The following EFR3A variants were observed in gnomAD, a reference collection of about 807,000 sequenced individuals.
EFR3A encodes protein EFR3 homolog A.
Under a neutral mutation model 104.4 loss-of-function variants are expected in EFR3A, and 76 were observed. That is an observed-to-expected ratio of 0.73 (90% confidence interval 0.60 to 0.88). The LOEUF (loss-of-function observed/expected upper bound fraction) is 0.88. EFR3A is among the 40% of genes least tolerant of loss of function. The pLI, the probability that EFR3A is intolerant of heterozygous loss-of-function variation, is 0.00. For synonymous variants in EFR3A, 330 were observed against 330.0 expected, an observed-to-expected ratio of 1.00 and a Z score of 0.00; for missense variants, 985 against 1,012.5, an observed-to-expected ratio of 0.97 and a Z score of 0.37.
intron 1 of EFR3A, among the ~76,000 whole-genome samples, chr8:131,928,377 C>A (rs1817413355): frequency 6.6e-6 from 1 of 152,062 alleles, no homozygotes; most frequent in African/African-American, 2.4e-5. Context: ...AGACATTTAT[C>A]ATCAGATTTT....
chr8:132,001,426 G>A (rs1461057171), intron 19 of EFR3A, among the ~76,000 whole-genome samples: 4 of 152,142 alleles, frequency 2.6e-5, no homozygotes, highest in African/African-American at 9.7e-5. Flanking sequence ...ACAGTGTTCA[G>A]TCAGTGGGAC....
In EFR3A at chr8:131,987,729, A is replaced by C. The variant is rs751677519; in HGVS notation, c.2065+27A>C. On this transcript the variant is annotated intron_variant, in intron 18 of 22. Coordinates refer to ENST00000254624, the MANE Select transcript of EFR3A (RefSeq NM_015137.6). Reference sequence around the variant, plus strand: ...TAAGAGGAGGATAATTAGAACTTTCACTCTGGTGATTGCTTATGTTATAGT... The same window carrying C: ...TAAGAGGAGGATAATTAGAACTTTCCCTCTGGTGATTGCTTATGTTATAGT... 5.8e-6 allele frequency: 9 copies of C among 1,559,362 alleles called. No individual in the cohort carries two copies. In the Admixed American group the frequency reaches 1.6e-4, roughly 28 times the overall value.
rs1196135304 is a variant in EFR3A at position 131,956,007 on chromosome 8, T to C, written c.776+102T>C. 12 of 1,314,490 alleles carry C rather than the reference T, an allele frequency of 9.1e-6. No individual in the cohort carries two copies. The Admixed American group carries it at 2.5e-4, about 27-fold the overall frequency. 81.4% of individuals were successfully genotyped at this position (1,314,490 alleles called of 1,614,324 possible). Reference sequence around the variant, plus strand: ...CTACTTTTTTACTTGCATGAGTGAGTTATTAATGGAACCAGTGTAACATTG... The same window carrying C: ...CTACTTTTTTACTTGCATGAGTGAGCTATTAATGGAACCAGTGTAACATTG... On this transcript the variant is annotated intron_variant, in intron 7 of 22. Coordinates refer to ENST00000254624, the MANE Select transcript of EFR3A (RefSeq NM_015137.6).
chr8:131,962,028 C>T (rs1300205049), intron 8 of EFR3A, among the ~76,000 whole-genome samples: 1 of 152,178 alleles, frequency 6.6e-6, no homozygotes, highest in Non-Finnish European at 1.5e-5. Flanking sequence ...TTGTCACCAC[C>T]AGGCCTGCCT....
chr8:131,966,940 T>C (rs1481996161), intron 8 of EFR3A, among the ~76,000 whole-genome samples: 3 of 152,208 alleles, frequency 2.0e-5, no homozygotes, highest in African/African-American at 7.2e-5. Flanking sequence ...TTGTTCTTTA[T>C]AAGTAGAAAG....
chr8:132,010,425 T>C lies in EFR3A; in HGVS notation c.2361-365T>C, dbSNP rs1220684667. On this transcript the variant is annotated intron_variant, in intron 22 of 22. Coordinates refer to ENST00000254624, the MANE Select transcript of EFR3A (RefSeq NM_015137.6). ...AGTATGAGATATATATATATATATA[T>C]ATATATATATATATATATATATATA... Among the ~76,000 whole-genome samples the C allele has an allele frequency of 1.1e-4, 11 of 102,676 alleles. No homozygotes were observed. In the East Asian group the frequency reaches 2.4e-3, roughly 23 times the overall value. The allele number at this position is 102,676 out of a possible 152,430, so 67.4% of individuals were successfully genotyped here.
intron 18 of EFR3A, among the ~76,000 whole-genome samples, chr8:131,995,630 G>A (rs562551576): frequency 1.3e-5 from 2 of 152,320 alleles, no homozygotes; most frequent in East Asian, 3.9e-4. Flanking sequence ...TGATTTGGAA[G>A]ACCGTGGAAT....
intron 15 of EFR3A, 146 bp from the exon 16 acceptor site, chr8:131,984,783 T>G (rs2130755420): frequency 1.3e-6 from 1 of 749,772 alleles, no homozygotes; most frequent in East Asian, 2.7e-5. Context: ...TTGTTTTCCT[T>G]TCAGAATTGT....
At chr8:131,961,579 G>T (rs181717406) in intron 8 of EFR3A, among the ~76,000 whole-genome samples, 1 of 152,186 alleles carries the variant, frequency 6.6e-6, no homozygotes, top group Admixed American at 6.5e-5. Flanking sequence ...CCAAATCTAC[G>T]TCTGATTGGT....
At chr8:131,949,601 C>A (rs1248553108) in intron 4 of EFR3A, among the ~76,000 whole-genome samples, 2 of 151,940 alleles carry the variant, frequency 1.3e-5, no homozygotes, top group South Asian at 2.1e-4. Flanking sequence ...GCCAGGAGTT[C>A]AAGAGCAGCC....
At chr8:131,950,641 T>C (rs564484334) in intron 5 of EFR3A, among the ~76,000 whole-genome samples, 7 of 152,168 alleles carry the variant, frequency 4.6e-5, no homozygotes, top group Non-Finnish European at 1.0e-4. Context: ...CTATGGAATA[T>C]AAATTCCAGG....
chr8:131,972,417 T>C (rs1333346483), intron 10 of EFR3A, among the ~76,000 whole-genome samples: 1 of 151,908 alleles, frequency 6.6e-6, no homozygotes, highest in South Asian at 2.1e-4. Flanking sequence ...TGCTAATATC[T>C]TGGACTTTAA....
intron 18 of EFR3A, among the ~76,000 whole-genome samples, chr8:131,993,128 C>T (rs1821284216): frequency 6.6e-6 from 1 of 152,148 alleles, no homozygotes; most frequent in Non-Finnish European, 1.5e-5. Flanking sequence ...ATACAAGGGA[C>T]AGCTTCCCAC....
intron 2 of EFR3A, among the ~76,000 whole-genome samples, chr8:131,943,851 CCTT>C (rs1818289577): frequency 6.6e-6 from 1 of 152,000 alleles, no homozygotes. Context: ...ATGGCTTCCA[CCTT>C]CTCTGGGAAA....
intron 1 of EFR3A, among the ~76,000 whole-genome samples, chr8:131,914,902 G>A (rs769832433): frequency 6.6e-6 from 1 of 152,086 alleles, no homozygotes; most frequent in Non-Finnish European, 1.5e-5. Flanking sequence ...AAATAAGAAC[G>A]TGGTGTTTGG....
Position 131,953,973 on chromosome 8 carries a change from T to C in EFR3A, c.638+6T>C. On this transcript the variant is annotated splice_donor_region_variant and intron_variant, in intron 6 of 22. Coordinates refer to ENST00000254624, the MANE Select transcript of EFR3A (RefSeq NM_015137.6). Reference sequence around the variant, plus strand: ...AAGATAGAAGAAGTTGACAGGTATTTAAAAAAATATTAGTGTTGAGACAGT... The same window carrying C: ...AAGATAGAAGAAGTTGACAGGTATTCAAAAAAATATTAGTGTTGAGACAGT... 6.6e-7 allele frequency: 1 copy of C among 1,524,912 alleles called. No individual in the cohort carries two copies. Among genetic ancestry groups the C allele is most frequent in the Non-Finnish European group, 8.8e-7 (1 of 1,134,192 alleles). 94.5% of individuals were successfully genotyped at this position (1,524,912 alleles called of 1,614,324 possible).
At chr8:131,933,139 A>G (rs954312872) in intron 1 of EFR3A, among the ~76,000 whole-genome samples, 12 of 152,132 alleles carry the variant, frequency 7.9e-5, no homozygotes, top group African/African-American at 2.9e-4. Context: ...ACATTAGCCA[A>G]TCTTTTATAT....
At chr8:131,986,297 T>G in intron 17 of EFR3A, 36 bp downstream of exon 17, 1 of 1,128,850 alleles carries the variant, frequency 8.9e-7, no homozygotes, top group Non-Finnish European at 1.3e-6. Flanking sequence ...GATGGGGTAC[T>G]GACTTGATAA....
chr8:131,951,878 A>G (rs1358234657), intron 5 of EFR3A, among the ~76,000 whole-genome samples: 2 of 152,154 alleles, frequency 1.3e-5, no homozygotes, highest in Non-Finnish European at 1.5e-5. Context: ...TTTAACTTAA[A>G]TAAAAGCCCT....
Sources: gnomAD v4.1 joint callset for allele counts (sites outside exome capture counted in the v4.1 genomes callset) on GRCh38, gnomAD v4.1.1 for gene constraint, MANE v1.5 for transcripts, NCBI Gene and HGNC (gene_info 2026-07-23, HGNC 2026-07-21) for gene names.